MARCHF1: variants seen among roughly 807,000 people sequenced by gnomAD.
The protein encoded by MARCHF1 is E3 ubiquitin-protein ligase MARCHF1.
A neutral mutation model predicts 54.2 loss-of-function variants in MARCHF1; 40 were observed. The ratio of observed to expected loss-of-function variants is 0.74; its 90% CI spans 0.57 to 0.96. The LOEUF is 0.96. Among genes scored for constraint, MARCHF1 ranks in the 40% least tolerant of loss-of-function variants. The pLI, the probability that MARCHF1 is intolerant of heterozygous loss-of-function variation, is 0.00. For missense variants in MARCHF1, 586 were observed against 656.5 expected (o/e 0.89, Z 1.17); for synonymous variants, 236 against 236.3 (o/e 1.00, Z 0.01).
chr4:164,297,356 T>C (rs770638004), intron 1 of MARCHF1, among the ~76,000 whole-genome samples: 35 of 152,124 alleles, frequency 2.3e-4, no homozygotes, highest in Non-Finnish European at 3.7e-4. Flanking sequence ...AGATTAACCT[T>C]ATTGGCAATA....
intron 3 of MARCHF1, among the ~76,000 whole-genome samples, chr4:163,963,723 T>A (rs533732513): frequency 2.6e-5 from 4 of 152,040 alleles, no homozygotes; most frequent in African/African-American, 9.6e-5. Flanking sequence ...ATTCTTTTTC[T>A]CTCTCTGAAG....
chr4:163,700,940 C>T, intron 4 of MARCHF1, 77 bp from the exon 5 acceptor site: 2 of 983,074 alleles, frequency 2.0e-6, no homozygotes, highest in South Asian at 2.8e-5. Context: ...AGAAGAGAAA[C>T]CACAGCACAA....
chr4:163,988,795 G>C (rs1049163559), intron 2 of MARCHF1, 86 bp from the exon 3 acceptor site: 1 of 152,212 alleles, frequency 6.6e-6, no homozygotes, highest in Non-Finnish European at 1.5e-5. Flanking sequence ...CACATTGAAA[G>C]GGGAGTTAAA....
rs186438625 is a variant in MARCHF1 at position 164,207,601 on chromosome 4, C to A, written c.-322-95939G>T. ...CTGTGCTGGGGGGACTGAGGTGAGG[C>A]AGCTGCAGCCTAGAGCTAGCAGATG... On this transcript the variant is annotated intron_variant, in intron 1 of 9. Coordinates refer to ENST00000514618, the MANE Select transcript of MARCHF1 (RefSeq NM_001394959.1). 2.5e-3 allele frequency among the ~76,000 whole-genome samples: 377 copies of A among 152,304 alleles called. 3 individuals are homozygous for A. The highest frequency in any genetic ancestry group is 8.4e-3 in the African/African-American group (348 of 41,560).
At chr4:164,379,174 T>C (rs1561026018) in intron 1 of MARCHF1, among the ~76,000 whole-genome samples, 1 of 151,690 alleles carries the variant, frequency 6.6e-6, no homozygotes, top group Admixed American at 6.6e-5. Flanking sequence ...AACAGATAAA[T>C]TGGAATCTAT....
intron 1 of MARCHF1, among the ~76,000 whole-genome samples, chr4:164,256,619 CTG>C (rs1395872634): frequency 4.6e-5 from 7 of 151,944 alleles, no homozygotes; most frequent in African/African-American, 1.7e-4. Context: ...TGAACACAGA[CTG>C]AGAAAACTTT....
chr4:163,995,121 C>A (rs1753049280), intron 2 of MARCHF1, among the ~76,000 whole-genome samples: 1 of 152,030 alleles, frequency 6.6e-6, no homozygotes, highest in Non-Finnish European at 1.5e-5. Flanking sequence ...CTTCAGACAC[C>A]AGTCACAAGT....
At chr4:164,160,761 C>T (rs1265471380) in intron 1 of MARCHF1, among the ~76,000 whole-genome samples, 9 of 152,096 alleles carry the variant, frequency 5.9e-5, no homozygotes, top group African/African-American at 2.2e-4. Context: ...CATCACAACT[C>T]AGCTTAAGAT....
intron 3 of MARCHF1, among the ~76,000 whole-genome samples, chr4:163,907,057 T>C (rs946923346): frequency 3.3e-5 from 5 of 152,090 alleles, no homozygotes; most frequent in Admixed American, 1.3e-4. Context: ...TTCAGTAACA[T>C]GTATTTTATA....
chr4:164,005,498 TC>T (rs1753267717), intron 2 of MARCHF1, among the ~76,000 whole-genome samples: 1 of 152,046 alleles, frequency 6.6e-6, no homozygotes, highest in Non-Finnish European at 1.5e-5. Flanking sequence ...TCCCTGCAAC[TC>T]TGCTTGGCAA....
chr4:164,049,189 C>T (rs1169391443), intron 2 of MARCHF1, among the ~76,000 whole-genome samples: 1 of 152,176 alleles, frequency 6.6e-6, no homozygotes, highest in African/African-American at 2.4e-5. Flanking sequence ...GAAGCAGGCA[C>T]ATTTTACATG....
intron 3 of MARCHF1, among the ~76,000 whole-genome samples, chr4:163,963,350 G>T (rs1752377001): frequency 6.6e-6 from 1 of 151,798 alleles, no homozygotes; most frequent in African/African-American, 2.4e-5. Flanking sequence ...TTTCTCGGCA[G>T]ACCATATTGG....
At chr4:163,849,971 C>G (rs534053595) in intron 4 of MARCHF1, among the ~76,000 whole-genome samples, 14 of 152,140 alleles carry the variant, frequency 9.2e-5, no homozygotes, top group African/African-American at 3.4e-4. Flanking sequence ...AAGCTGGGAG[C>G]CTTCAAACCA....
chr4:163,761,249 T>C (rs554187823), intron 4 of MARCHF1, among the ~76,000 whole-genome samples: 2 of 152,348 alleles, frequency 1.3e-5, no homozygotes, highest in South Asian at 4.1e-4. Context: ...TTGTGAGAGA[T>C]GTTTAAGCAG....
At chr4:164,053,852 G>C (rs1026642787) in intron 2 of MARCHF1, among the ~76,000 whole-genome samples, 6 of 152,178 alleles carry the variant, frequency 3.9e-5, no homozygotes, top group African/African-American at 1.4e-4. Context: ...CTAATTGTCA[G>C]AAATAGGCAT....
chr4:163,817,190 A>G (rs1476119936), intron 4 of MARCHF1, among the ~76,000 whole-genome samples: 1 of 152,046 alleles, frequency 6.6e-6, no homozygotes, highest in East Asian at 1.9e-4. Flanking sequence ...ACTCAAAATT[A>G]TCACACAAGT....
chr4:164,111,716 A>C (rs971785732), intron 1 of MARCHF1, 54 bp from the exon 2 acceptor site: 4 of 151,732 alleles, frequency 2.6e-5, no homozygotes, highest in Admixed American at 2.0e-4. Flanking sequence ...GACCATAAGG[A>C]AACTATGGTT....
intron 4 of MARCHF1, among the ~76,000 whole-genome samples, chr4:163,848,836 A>T (rs1749564896): frequency 1.3e-5 from 2 of 152,146 alleles, no homozygotes; most frequent in Non-Finnish European, 2.9e-5. Flanking sequence ...TTTAAAACAC[A>T]GGTAGTATAA....
chr4:163,766,643 G>T (rs576048213), intron 4 of MARCHF1, among the ~76,000 whole-genome samples: 1 of 152,224 alleles, frequency 6.6e-6, no homozygotes, highest in East Asian at 1.9e-4. Context: ...TTTCCTTACA[G>T]ATTAATAGAT....
Sources: gnomAD v4.1 joint callset for allele counts (sites outside exome capture counted in the v4.1 genomes callset) on GRCh38, gnomAD v4.1.1 for gene constraint, MANE v1.5 for transcripts, NCBI Gene and HGNC (gene_info 2026-07-23, HGNC 2026-07-21) for gene names.